S100A8: variants seen among roughly 807,000 people sequenced by gnomAD.
The protein encoded by S100A8 is S100 calcium binding protein A8.
S100A8 carries 1 observed loss-of-function variant against 4.2 expected under a neutral mutation model. The ratio of observed to expected loss-of-function variants is 0.24; its 90% confidence interval spans 0.08 to 1.12. S100A8 has a LOEUF of 1.12. Ranked by LOEUF, S100A8 falls within the 50% of genes most tolerant of loss-of-function variation. S100A8 has a pLI of 0.53. For synonymous variants in S100A8, 41 were observed against 44.7 expected, an observed-to-expected ratio of 0.92 and a Z score of 0.33; for missense variants, 96 against 111.8, an observed-to-expected ratio of 0.86 and a Z score of 0.64.
At chr1:153,412,244 G>A in the S100A8 span, among the ~76,000 whole-genome samples, 1 of 151,946 alleles carries the variant, frequency 6.6e-6, no homozygotes, top group African/African-American at 2.4e-5. Context: ...TCTGACGAAG[G>A]GCTAATATCC....
the S100A8 span, among the ~76,000 whole-genome samples, chr1:153,410,784 G>A: frequency 2.9e-4 from 44 of 152,166 alleles, 1 homozygote; most frequent in South Asian, 6.9e-3. Context: ...CTTATCCACC[G>A]TGATCAAGTG....
At chr1:153,418,592 A>C in the S100A8 span, among the ~76,000 whole-genome samples, 13 of 152,196 alleles carry the variant, frequency 8.5e-5, no homozygotes, top group African/African-American at 2.9e-4. Flanking sequence ...GGAAAGCACT[A>C]GAAGTTCCAT....
the S100A8 span, among the ~76,000 whole-genome samples, chr1:153,404,861 G>C: frequency 6.6e-6 from 1 of 152,080 alleles, no homozygotes; most frequent in Non-Finnish European, 1.5e-5. Flanking sequence ...CGGGAACCAC[G>C]AAGGACCCAG....
chr1:153,406,964 G>C, the S100A8 span, among the ~76,000 whole-genome samples: 1 of 152,218 alleles, frequency 6.6e-6, no homozygotes, highest in Non-Finnish European at 1.5e-5. Flanking sequence ...CAGTTTTTTG[G>C]ATGTCTCAAA....
chr1:153,418,064 A>C, the S100A8 span: 2 of 1,613,404 alleles, frequency 1.2e-6, no homozygotes, highest in Non-Finnish European at 1.7e-6. Flanking sequence ...TATTTCCTGA[A>C]GGCTTTTTGA....
chr1:153,418,055 A>C, the S100A8 span: 1 of 1,612,738 alleles, frequency 6.2e-7, no homozygotes. Flanking sequence ...GATTGTCTTT[A>C]TTTCCTGAAG....
the S100A8 span, among the ~76,000 whole-genome samples, chr1:153,416,142 C>T: frequency 3.3e-5 from 5 of 152,194 alleles, no homozygotes; most frequent in Non-Finnish European, 7.3e-5. Context: ...GCTGTCACAA[C>T]AAATGTGTGG....
the S100A8 span, among the ~76,000 whole-genome samples, chr1:153,416,135 G>A: frequency 6.6e-6 from 1 of 152,196 alleles, no homozygotes; most frequent in Non-Finnish European, 1.5e-5. Context: ...AGAACAGGCT[G>A]TCACAACAAA....
At chr1:153,392,273 C>T (rs116394630), upstream of S100A8, among the ~76,000 whole-genome samples, 778 of 152,140 alleles carry the variant, frequency 5.1e-3, 5 homozygotes, top group African/African-American at 0.017. Context: ...TGAAGCAAAA[C>T]GACAATGAGA....
At chr1:153,397,384 C>T in the S100A8 span, among the ~76,000 whole-genome samples, 52 of 152,194 alleles carry the variant, frequency 3.4e-4, 1 homozygote, top group Admixed American at 2.8e-3. Flanking sequence ...CCACATAGAG[C>T]GCAGAACAAG....
upstream of S100A8, among the ~76,000 whole-genome samples, chr1:153,395,196 A>AG (rs1380979257): frequency 6.6e-6 from 1 of 152,090 alleles, no homozygotes; most frequent in Non-Finnish European, 1.5e-5. Flanking sequence ...GTAGAAAAAA[A>AG]CAGACCCAAC....
the S100A8 span, among the ~76,000 whole-genome samples, chr1:153,401,972 A>T: frequency 6.6e-6 from 1 of 152,182 alleles, no homozygotes; most frequent in Non-Finnish European, 1.5e-5. Flanking sequence ...CAACAGCCTC[A>T]AGAGTATCTG....
chr1:153,403,746 A>C, the S100A8 span, among the ~76,000 whole-genome samples: 1 of 152,212 alleles, frequency 6.6e-6, no homozygotes, highest in Non-Finnish European at 1.5e-5. Flanking sequence ...CATTCTGACT[A>C]ACAACACTTT....
the S100A8 span, chr1:153,416,489 C>T: frequency 2.4e-6 from 1 of 421,402 alleles, no homozygotes; most frequent in Non-Finnish European, 4.8e-6. Context: ...CCAGGCTGAG[C>T]CTTATAAAGG....
Position 153,390,444 on chromosome 1 carries a change from C to T in S100A8, c.92G>A (p.Arg31Lys), listed in dbSNP as rs1339097529. 6.2e-7 allele frequency: 1 copy of T among 1,614,186 alleles called. No homozygotes were observed. Among genetic ancestry groups the T allele is most frequent in the East Asian group, 2.2e-5 (1 of 44,876 alleles). ...LIKGNFHAVY[R>K]DDLKKLLETE... is the part of the protein sequence containing the mutation. The stretch of plus-strand genomic sequence containing the variant: ...CTCTAGCAATTTCTTCAGGTCATCC[C>T]TGTAGACGGCATGGAAATTCCCCTT... Residue 31 changes from arginine (R) to lysine (K), a missense_variant, in exon 2 of 3, where the codon AGG (arginine) becomes AAG (lysine). Coordinates refer to ENST00000368733, the MANE Select transcript of S100A8 (RefSeq NM_002964.5).
chr1:153,415,035 T>C, the S100A8 span, among the ~76,000 whole-genome samples: 1 of 152,244 alleles, frequency 6.6e-6, no homozygotes, highest in Non-Finnish European at 1.5e-5. Flanking sequence ...TGTTTGACTT[T>C]CTTTTTCTGA....
At chr1:153,405,578 T>C in the S100A8 span, among the ~76,000 whole-genome samples, 22 of 151,344 alleles carry the variant, frequency 1.5e-4, no homozygotes, top group African/African-American at 5.1e-4. Flanking sequence ...TGGAAAAAGG[T>C]CCAAACCGCC....
the S100A8 span, chr1:153,419,668 G>A: frequency 3.8e-6 from 1 of 260,282 alleles, no homozygotes. Context: ...CATGGACCAG[G>A]GTCATTCAGA....
the S100A8 span, among the ~76,000 whole-genome samples, chr1:153,417,725 C>G: frequency 9.3e-4 from 141 of 152,228 alleles, 1 homozygote; most frequent in South Asian, 7.0e-3. Context: ...GAGTGGGGTC[C>G]GCCATGTGCT....
Sources: gnomAD v4.1 joint callset for allele counts (sites outside exome capture counted in the v4.1 genomes callset) on GRCh38, gnomAD v4.1.1 for gene constraint, MANE v1.5 for transcripts, NCBI Gene and HGNC (gene_info 2026-07-23, HGNC 2026-07-21) for gene names.